The following NUMBL variants were observed in gnomAD, a reference collection of about 807,000 sequenced individuals.
NUMBL encodes the protein numb-like protein.
In NUMBL, 20 loss-of-function variants were observed where a neutral mutation model predicts 48.9. The observed-to-expected ratio is 0.41, with a 90% CI of 0.29 to 0.59. NUMBL has a LOEUF of 0.59. Ranked by LOEUF, NUMBL falls within the 20% of genes least tolerant of loss-of-function variation. The pLI, the probability that NUMBL is intolerant of heterozygous loss-of-function variation, is 0.31. For missense variants in NUMBL, 660 were observed against 846.2 expected (o/e 0.78, Z 2.73); for synonymous variants, 340 against 348.7 (o/e 0.98, Z 0.28).
At chr19:40,683,184 C>G (rs1428598423) in intron 3 of NUMBL, 1 of 618,232 alleles carries the variant, frequency 1.6e-6, no homozygotes, top group African/African-American at 1.8e-5. Context: ...AGTAGTGATT[C>G]CAGTCTAGCT....
In NUMBL at chr19:40,667,695, C is replaced by T. The variant is rs2081818987; in HGVS notation, c.1603G>A (p.Gly535Arg). Residue 535 changes from glycine to arginine, a missense_variant, in exon 10 of 10, where the codon GGG becomes AGG. Gly to Arg is a moderately radical substitution (Grantham distance 125, BLOSUM62 -2). Transcript: ENST00000252891. The surrounding 1 kb of genome is among the most constrained non-coding windows in gnomAD (Gnocchi z 6.1). ...QLQPQPATLL[G>R]KAGAFPPPAI... ...GGGGGCGGGAAGGCCCCAGCTTTCC[C>T]AAGCAGAGTGGCAGGCTGAGGCTGG... The T allele has an allele frequency of 6.3e-7, 1 of 1,577,364 alleles. No homozygotes were observed. The highest frequency in any genetic ancestry group is 1.2e-5 in the South Asian group (1 of 86,436).
rs138727421 is a variant in NUMBL, at chr19:40,682,612, G to A, written c.399+116C>T. 2.6e-3 allele frequency: 2,322 copies of A among 889,766 alleles called. 19 individuals are homozygous for A. Among genetic ancestry groups the A allele is most frequent in the African/African-American group, 0.02 (1,223 of 59,832 alleles). 55.1% of individuals were successfully genotyped at this position (889,766 alleles called of 1,614,324 possible). A position where few individuals can be genotyped will look rare whatever the true frequency, so the allele number is the denominator to read the frequency against. ...GACGACAGAGGGAGCACACGGCATCGTCTAGAAGGTCCCTGAGGGAGGGAT... is the reference window on the plus strand; with the variant it reads ...GACGACAGAGGGAGCACACGGCATCATCTAGAAGGTCCCTGAGGGAGGGAT... On this transcript the variant is annotated intron_variant, in intron 5 of 9. Transcript: ENST00000252891. The surrounding 1 kb of genome is among the most constrained non-coding windows in gnomAD (Gnocchi z 4.0).
Position 40,686,936 on chromosome 19 carries a change from G to A in NUMBL, c.84C>T (p.Pro28=). The A allele has an allele frequency of 6.5e-7, 1 of 1,545,782 alleles. No individual in the cohort carries two copies. The highest frequency in any genetic ancestry group is 8.7e-7 in the Non-Finnish European group (1 of 1,143,872). Residue 28 remains proline, a synonymous_variant, in exon 2 of 10, where the codon CCC becomes CCT. Transcript: ENST00000252891. ...CTGGCTCCGTCCTGCAGGTTTCTGG[G>A]GGCCCCGGGGCCCCACAGGGGGCTG... ...LPPAPCGAPG[P]PETCRTEPDG...
chr19:40,690,329 C>G (rs1198049768), intron 1 of NUMBL, 131 bp downstream of exon 1: 1 of 483,880 alleles, frequency 2.1e-6, no homozygotes, highest in Non-Finnish European at 3.2e-6. Context: ...GTTCCTGGAC[C>G]CCCACCCGGG....
chr19:40,672,262 T>C (rs1314310666), intron 8 of NUMBL, among the ~76,000 whole-genome samples: 1 of 151,962 alleles, frequency 6.6e-6, no homozygotes, highest in African/African-American at 2.4e-5. Context: ...AACACAATGC[T>C]TTTTTCCCCC....
rs868270667 is a variant in NUMBL, at chr19:40,667,662, G to T, written c.1636C>A (p.Pro546Thr). ...CGGGCCTGGCTCCCAGGGGCACTGG[G>T]TATGGCAGGGGGCGGGAAGGCCCCA... is the stretch of plus-strand genomic sequence containing the variant. ...KAGAFPPPAIPSAPGSQARPR... is the reference protein window; with the variant it reads ...KAGAFPPPAITSAPGSQARPR... Residue 546 changes from proline (P) to threonine (T), a missense_variant, in exon 10 of 10, where the codon CCC becomes ACC. Transcript: ENST00000252891. This position sits in a 1 kb window ranked among gnomAD's most constrained non-coding sequence, Gnocchi z 6.1. The T allele has an allele frequency of 1.3e-6, 2 of 1,565,850 alleles. No individual in the cohort carries two copies. The highest frequency in any genetic ancestry group is 2.4e-5 in the East Asian group (1 of 42,474).
At chr19:40,679,818 T>C (rs2081895750) in intron 6 of NUMBL, among the ~76,000 whole-genome samples, 1 of 151,772 alleles carries the variant, frequency 6.6e-6, no homozygotes, top group African/African-American at 2.4e-5. Flanking sequence ...GCTGGGGTAG[T>C]GGGGAGACGG....
Position 40,673,213 on chromosome 19 carries a change from ACTCT to A in NUMBL, c.1036+127_1036+130del, listed in dbSNP as rs912245774. On this transcript the variant is annotated intron_variant, in intron 8 of 9. Coordinates refer to ENST00000252891, the MANE Select transcript of NUMBL (RefSeq NM_004756.5). The surrounding 1 kb of genome is among the most constrained non-coding windows in gnomAD (Gnocchi z 5.9). Reference sequence around the variant, plus strand: ...TGCTAATCGATCATGACATGTTCCCACTCTCTCTCCTTTGCCCATGGCAGACAGT... The same window carrying A: ...TGCTAATCGATCATGACATGTTCCCACTCTCCTTTGCCCATGGCAGACAGT... 3 of 961,686 alleles carry A rather than the reference ACTCT, an allele frequency of 3.1e-6. No homozygotes were observed. The highest frequency in any genetic ancestry group is 4.5e-6 in the Non-Finnish European group (3 of 664,768). The allele number at this position is 961,686 out of a possible 1,614,324, so 59.6% of individuals were successfully genotyped here. A position where few individuals can be genotyped will look rare whatever the true frequency, so the allele number is the denominator to read the frequency against.
Position 40,677,920 on chromosome 19 carries a change from G to A in NUMBL, c.541-499C>T, listed in dbSNP as rs192276662. ...GGAAAGTGTATGAGGGGATGACCGG[G>A]TGGTGGCAATGTTCTAGATATTGAT... On this transcript the variant is annotated intron_variant, in intron 6 of 9. Transcript: ENST00000252891. Among the ~76,000 whole-genome samples the A allele has an allele frequency of 2.4e-3, 364 of 152,248 alleles. 4 individuals are homozygous for A. The highest frequency in any genetic ancestry group is 5.7e-4 in the Non-Finnish European group (39 of 68,034).
intron 3 of NUMBL, among the ~76,000 whole-genome samples, chr19:40,683,520 C>A (rs926618934): frequency 6.6e-6 from 1 of 152,164 alleles, no homozygotes; most frequent in African/African-American, 2.4e-5. Flanking sequence ...CCAAATGAAG[C>A]CGTCACATTC....
chr19:40,667,698 G>A lies in NUMBL; in HGVS notation c.1600C>T (p.Leu534Phe). ...AQLQPQPATL[L>F]GKAGAFPPPA... ...GGCGGGAAGGCCCCAGCTTTCCCAAGCAGAGTGGCAGGCTGAGGCTGGAGC... is the reference window on the plus strand; with the variant it reads ...GGCGGGAAGGCCCCAGCTTTCCCAAACAGAGTGGCAGGCTGAGGCTGGAGC... The change falls in exon 10 of 10, where the codon CTT (leucine) becomes TTT (phenylalanine). Residue 534 changes from leucine (L) to phenylalanine (F), a missense_variant. Leu to Phe is a conservative substitution (Grantham distance 22). This residue lies in a region of NUMBL where 296 missense variants were observed against 339.7 expected (regional missense o/e 0.87). Coordinates refer to ENST00000252891, the MANE Select transcript of NUMBL (RefSeq NM_004756.5). This position sits in a 1 kb window ranked among gnomAD's most constrained non-coding sequence, Gnocchi z 6.1. 1 of 1,577,478 alleles carries A rather than the reference G, an allele frequency of 6.3e-7. No individual in the cohort carries two copies. Among genetic ancestry groups the A allele is most frequent in the Non-Finnish European group, 8.6e-7 (1 of 1,161,914 alleles).
chr19:40,667,353 T>G lies in NUMBL; in HGVS notation c.*115A>C. ...TGTCGGGGTGGTTGAGGGAGGGGGGTGTTGAGAGGGTGTTGAGGGGCGCAG... is the reference window on the plus strand; with the variant it reads ...TGTCGGGGTGGTTGAGGGAGGGGGGGGTTGAGAGGGTGTTGAGGGGCGCAG... On this transcript the variant is annotated 3_prime_UTR_variant, in exon 10 of 10. Transcript: ENST00000252891. This position sits in a 1 kb window ranked among gnomAD's most constrained non-coding sequence, Gnocchi z 6.1. The G allele has an allele frequency of 2.2e-6, 3 of 1,359,646 alleles. No homozygotes were observed. The highest frequency in any genetic ancestry group is 1.5e-5 in the African/African-American group (1 of 67,036). 84.2% of individuals were successfully genotyped at this position (1,359,646 alleles called of 1,614,324 possible).
intron 3 of NUMBL, chr19:40,683,186 A>T (rs2561542): frequency 1.6e-6 from 1 of 607,322 alleles, no homozygotes; most frequent in Non-Finnish European, 3.0e-6. Context: ...TAGTGATTCC[A>T]GTCTAGCTAT....
chr19:40,673,627 AGTG>A lies in NUMBL; in HGVS notation c.750_752del (p.Thr251del). The A allele has an allele frequency of 1.3e-6, 2 of 1,500,598 alleles. No homozygotes were observed. Among genetic ancestry groups the A allele is most frequent in the South Asian group, 1.3e-5 (1 of 77,724 alleles). 93.0% of individuals were successfully genotyped at this position (1,500,598 alleles called of 1,614,324 possible). On this transcript the variant is annotated inframe_deletion, in exon 8 of 10. Transcript: ENST00000252891. The surrounding 1 kb of genome is among the most constrained non-coding windows in gnomAD (Gnocchi z 5.9). ...CAGGCTGGGCAGGGCCAGGAGCCAC[AGTG>A]GGGGCAGCTGCTGCCTCTGCTGGAG...
chr19:40,673,749 G>T lies in NUMBL; in HGVS notation c.731-100C>A. On this transcript the variant is annotated intron_variant, in intron 7 of 9. Transcript: ENST00000252891. This position sits in a 1 kb window ranked among gnomAD's most constrained non-coding sequence, Gnocchi z 5.9. ...ATCATTCTCCAAGGCTGCCTTCCTT[G>T]CCCAGTGAGTCCTGCCCTTAAGACA... The T allele has an allele frequency of 8.7e-7, 1 of 1,154,978 alleles. No homozygotes were observed. Among genetic ancestry groups the T allele is most frequent in the Non-Finnish European group, 1.2e-6 (1 of 844,510 alleles). 71.5% of individuals were successfully genotyped at this position (1,154,978 alleles called of 1,614,324 possible).
intron 5 of NUMBL, 142 bp from the exon 6 acceptor site, chr19:40,681,199 C>T: frequency 1.2e-6 from 1 of 822,930 alleles, no homozygotes; most frequent in Non-Finnish European, 2.0e-6. Context: ...GCCTTGCCTG[C>T]AGAGGGCTCC....
Position 40,690,390 on chromosome 19 carries a change from C to T in NUMBL, c.24+70G>A, listed in dbSNP as rs1233240504. On this transcript the variant is annotated intron_variant, in intron 1 of 9. Transcript: ENST00000252891. ...TCTCTCCATCCGGGCGCCGCGGCCG[C>T]CTCCCACCCTCCGCCACATCAGCAG... is the stretch of plus-strand genomic sequence containing the variant. The T allele has an allele frequency of 1.0e-5, 10 of 958,196 alleles. No individual in the cohort carries two copies. In the East Asian group the frequency reaches 3.0e-4, roughly 29 times the overall value. The allele number at this position is 958,196 out of a possible 1,614,324, so 59.4% of individuals were successfully genotyped here. A position where few individuals can be genotyped will look rare whatever the true frequency, so the allele number is the denominator to read the frequency against.
intron 2 of NUMBL, among the ~76,000 whole-genome samples, chr19:40,686,521 TC>T (rs1828086958): frequency 2.0e-5 from 3 of 151,108 alleles, no homozygotes; most frequent in Non-Finnish European, 4.4e-5. Context: ...GCGTCTGTGG[TC>T]ACCTGTGAAT....
At chr19:40,678,171 AT>A (rs1423952580) in intron 6 of NUMBL, among the ~76,000 whole-genome samples, 3 of 151,516 alleles carry the variant, frequency 2.0e-5, no homozygotes, top group Non-Finnish European at 4.4e-5. Flanking sequence ...TTATTTATTT[AT>A]TTTTTTTCTG....
Sources: allele counts gnomAD v4.1 joint callset (sites outside exome capture counted in the v4.1 genomes callset), GRCh38; gene constraint gnomAD v4.1.1; regional missense constraint gnomAD v4.1.1; non-coding constraint Gnocchi (gnomAD v3.1); transcripts MANE v1.5; gene names NCBI Gene and HGNC (gene_info 2026-07-23, HGNC 2026-07-21).